OSBPL10: variants seen among roughly 807,000 people sequenced by gnomAD.
OSBPL10 encodes the protein oxysterol binding protein like 10.
In OSBPL10, 49 loss-of-function variants were observed where a neutral mutation model predicts 81.7. That is an observed-to-expected ratio of 0.60 (90% CI 0.48 to 0.76). The LOEUF is 0.76. OSBPL10 is among the 30% of genes least tolerant of loss of function. The pLI is 0.00. For missense variants in OSBPL10, 923 were observed against 987.8 expected, an observed-to-expected ratio of 0.93 and a Z score of 0.88; for synonymous variants, 419 against 383.6, an observed-to-expected ratio of 1.09 and a Z score of -1.08.
intron 1 of OSBPL10, among the ~76,000 whole-genome samples, chr3:32,058,265 G>A (rs927897733): frequency 2.6e-5 from 4 of 152,188 alleles, no homozygotes; most frequent in African/African-American, 9.7e-5. Flanking sequence ...TTAGCAAAAT[G>A]TTATCAATTA....
intron 4 of OSBPL10, among the ~76,000 whole-genome samples, chr3:31,756,026 A>T (rs2125711968): frequency 6.6e-6 from 1 of 152,334 alleles, no homozygotes; most frequent in East Asian, 1.9e-4. Context: ...TTAGGAGGAA[A>T]CCGTTACTGA....
intron 4 of OSBPL10, among the ~76,000 whole-genome samples, chr3:31,773,604 C>G (rs938542179): frequency 6.6e-6 from 1 of 152,178 alleles, no homozygotes; most frequent in Admixed American, 6.5e-5. Context: ...TCTGATTGTC[C>G]TTTATGGTGG....
intron 2 of OSBPL10, chr3:31,990,651 C>T (rs760174434): frequency 3.7e-6 from 6 of 1,614,040 alleles, no homozygotes; most frequent in Middle Eastern, 1.6e-4. Context: ...AACAAGCAAC[C>T]CTTGCACGTC....
intron 10 of OSBPL10, among the ~76,000 whole-genome samples, chr3:31,666,994 G>A (rs1008698561): frequency 6.6e-6 from 1 of 152,144 alleles, no homozygotes; most frequent in African/African-American, 2.4e-5. Flanking sequence ...CTCTTACTCT[G>A]GCACCAGACT....
In OSBPL10 at chr3:31,697,135, G is replaced by C. The variant is rs985198013; in HGVS notation, c.1245+5224C>G. Among the ~76,000 whole-genome samples the C allele has an allele frequency of 4.6e-5, 7 of 152,332 alleles. 2 individuals carry two copies. Among genetic ancestry groups the C allele is most frequent in the Admixed American group, 2.0e-4 (3 of 15,300 alleles). On this transcript the variant is annotated intron_variant, in intron 7 of 11. Coordinates refer to ENST00000396556, the MANE Select transcript of OSBPL10 (RefSeq NM_017784.5). Reference sequence around the variant, plus strand: ...GATCTTGTGCCAGTTTGGGGCCTAAGTCTTAGGAAGGCTTACCGGCTTCCA... The same window carrying C: ...GATCTTGTGCCAGTTTGGGGCCTAACTCTTAGGAAGGCTTACCGGCTTCCA...
At chr3:31,743,752 G>T (rs1007045802) in intron 5 of OSBPL10, among the ~76,000 whole-genome samples, 1 of 152,112 alleles carries the variant, frequency 6.6e-6, no homozygotes, top group Admixed American at 6.6e-5. Context: ...AGGTAAGACG[G>T]GCCTTCCTGC....
intron 7 of OSBPL10, among the ~76,000 whole-genome samples, chr3:31,696,034 T>A (rs1695711639): frequency 6.6e-6 from 1 of 152,158 alleles, no homozygotes; most frequent in African/African-American, 2.4e-5. Context: ...GGCACTCAGA[T>A]GCAAGGTAAT....
intron 2 of OSBPL10, among the ~76,000 whole-genome samples, chr3:32,028,950 A>ACACACAC: frequency 6.9e-6 from 1 of 145,182 alleles, no homozygotes; most frequent in East Asian, 2.0e-4. Context: ...ACACACACAC[A>ACACACAC]CACACACACA....
At chr3:31,724,595 GAA>G (rs1386752270) in intron 6 of OSBPL10, among the ~76,000 whole-genome samples, 1 of 147,462 alleles carries the variant, frequency 6.8e-6, no homozygotes, top group Non-Finnish European at 1.5e-5. Flanking sequence ...CACAAAAAAG[GAA>G]GAGAGGAGGA....
chr3:31,705,179 G>A (rs1346717778), intron 6 of OSBPL10, among the ~76,000 whole-genome samples: 4 of 152,170 alleles, frequency 2.6e-5, no homozygotes, highest in African/African-American at 7.2e-5. Flanking sequence ...AAGGACCTAG[G>A]ACTGTTTTCT....
intron 3 of OSBPL10, among the ~76,000 whole-genome samples, chr3:31,839,721 T>C (rs1468691141): frequency 6.6e-6 from 1 of 151,360 alleles, no homozygotes; most frequent in Non-Finnish European, 1.5e-5. Context: ...AGATGGACAG[T>C]GTGGCAGAGG....
chr3:31,895,275 G>C (rs1255044462), intron 1 of OSBPL10, among the ~76,000 whole-genome samples: 2 of 151,178 alleles, frequency 1.3e-5, no homozygotes, highest in Non-Finnish European at 2.9e-5. Context: ...GGGATTACAG[G>C]CACCCGTCAC....
At chr3:31,832,125 T>C (rs1178603275) in intron 3 of OSBPL10, among the ~76,000 whole-genome samples, 1 of 152,250 alleles carries the variant, frequency 6.6e-6, no homozygotes, top group Non-Finnish European at 1.5e-5. Context: ...AGGCACATAA[T>C]TGATCTATAG....
chr3:31,947,132 G>A (rs1575053502), intron 1 of OSBPL10, among the ~76,000 whole-genome samples: 2 of 152,138 alleles, frequency 1.3e-5, no homozygotes, highest in Non-Finnish European at 2.9e-5. Context: ...TAAATTTCAG[G>A]CTCTGACAAC....
intron 7 of OSBPL10, among the ~76,000 whole-genome samples, chr3:31,698,492 C>A (rs900251664): frequency 4.0e-5 from 6 of 151,030 alleles, no homozygotes; most frequent in African/African-American, 1.5e-4. Flanking sequence ...CAAGTAAGGC[C>A]ACATATTCCC....
intron 4 of OSBPL10, among the ~76,000 whole-genome samples, chr3:31,763,101 G>C (rs1332974762): frequency 6.6e-6 from 1 of 152,130 alleles, no homozygotes; most frequent in Admixed American, 6.5e-5. Context: ...TCACAGAAAA[G>C]AAAACACAAT....
chr3:31,822,540 T>C (rs955958212), intron 4 of OSBPL10, among the ~76,000 whole-genome samples: 10 of 152,146 alleles, frequency 6.6e-5, no homozygotes, highest in Non-Finnish European at 1.5e-5. Context: ...AAAATCACAT[T>C]GTACTTGTAC....
At chr3:31,807,837 C>T (rs1261016940) in intron 4 of OSBPL10, among the ~76,000 whole-genome samples, 1 of 152,062 alleles carries the variant, frequency 6.6e-6, no homozygotes, top group East Asian at 1.9e-4. Flanking sequence ...AAATTTAGAA[C>T]CAAACTCCTC....
intron 4 of OSBPL10, among the ~76,000 whole-genome samples, chr3:31,812,494 T>C (rs1056295581): frequency 2.2e-4 from 34 of 152,156 alleles, no homozygotes; most frequent in African/African-American, 7.7e-4. Context: ...CAAGTTGATC[T>C]ATGAATTCTT....
Sources: gnomAD v4.1 joint callset for allele counts (sites outside exome capture counted in the v4.1 genomes callset) on GRCh38, gnomAD v4.1.1 for gene constraint, MANE v1.5 for transcripts, NCBI Gene and HGNC (gene_info 2026-07-23, HGNC 2026-07-21) for gene names.